AGO4: variants seen among roughly 807,000 people sequenced by gnomAD.
The protein encoded by AGO4 is argonaute RISC component 4.
Under a neutral mutation model 104.7 loss-of-function variants are expected in AGO4, and 33 were observed. That is an observed-to-expected ratio of 0.32 (90% CI 0.24 to 0.42). The LOEUF (loss-of-function observed/expected upper bound fraction) is 0.42. Ranked by LOEUF, AGO4 falls within the 10% of genes least tolerant of loss-of-function variation. The probability of loss-of-function intolerance (pLI) is 1.00; values close to 1 mark genes in which losing one functional copy is unlikely to be tolerated. For missense variants in AGO4, 711 were observed against 1,083.4 expected (o/e 0.66, Z 4.83); for synonymous variants, 331 against 364.7 (o/e 0.91, Z 1.05).
chr1:35,814,593 A>G (rs1350643036), intron 1 of AGO4, among the ~76,000 whole-genome samples: 1 of 152,036 alleles, frequency 6.6e-6, no homozygotes, highest in Non-Finnish European at 1.5e-5. Flanking sequence ...GAGACAGAGT[A>G]ACTTAACAAG....
In AGO4 at chr1:35,816,882, G is replaced by A. The variant is rs1643726345; in HGVS notation, c.20G>A (p.Gly7Glu). ...AGCAAATGTCTTTCAATCTCTTTAG[G>A]ACCTCCGGCTAGCCTGTTTCAGCCA... MEALGP[G>E]PPASLFQPPR... Residue 7 changes from glycine to glutamate, a missense_variant and splice_region_variant, in exon 2 of 18, where the codon GGA (glycine) becomes GAA (glutamate). Physicochemically the swap from Gly to Glu is moderately conservative, Grantham distance 98. Transcript: ENST00000373210. The A allele has an allele frequency of 6.2e-7, 1 of 1,609,048 alleles. No homozygotes were observed. The highest frequency in any genetic ancestry group is 8.5e-7 in the Non-Finnish European group (1 of 1,177,850).
intron 1 of AGO4, among the ~76,000 whole-genome samples, chr1:35,809,893 T>C (rs1312738826): frequency 6.6e-6 from 1 of 152,150 alleles, no homozygotes; most frequent in Non-Finnish European, 1.5e-5. Context: ...GTTTCTTCCC[T>C]CCCCCTAGTA....
intron 13 of AGO4, among the ~76,000 whole-genome samples, chr1:35,839,642 T>A (rs935487694): frequency 7.2e-5 from 11 of 152,148 alleles, no homozygotes; most frequent in Non-Finnish European, 1.3e-4. Flanking sequence ...ATATGTGTGT[T>A]GCCTATATAT....
At chr1:35,835,006 C>CTTTTTTTTTT (rs34516326) in intron 12 of AGO4, among the ~76,000 whole-genome samples, 3 of 102,974 alleles carry the variant, frequency 2.9e-5, no homozygotes, top group African/African-American at 3.6e-5. Flanking sequence ...CAGTTTTAAA[C>CTTTTTTTTTT]TTTTTTTTTT....
Position 35,826,814 on chromosome 1 carries a change from G to A in AGO4, c.827G>A (p.Arg276Lys). ...AAATACCGAGTTTGTAATGTGACTA[G>A]ACGGCCAGCCAGTCATCAAACGTAT... ...KRKYRVCNVT[R>K]RPASHQTFPL... Residue 276 changes from arginine (R) to lysine (K), a missense_variant, in exon 7 of 18, where the codon AGA (arginine) becomes AAA (lysine). This residue lies in a region of AGO4 where 308 missense variants were observed against 397.8 expected (regional missense o/e 0.77). Coordinates refer to ENST00000373210, the MANE Select transcript of AGO4 (RefSeq NM_017629.4). The A allele has an allele frequency of 1.9e-6, 3 of 1,614,186 alleles. No homozygotes were observed. Among genetic ancestry groups the A allele is most frequent in the Admixed American group, 1.7e-5 (1 of 60,018 alleles).
intron 7 of AGO4, among the ~76,000 whole-genome samples, chr1:35,829,562 G>T (rs899925249): frequency 1.3e-5 from 2 of 152,100 alleles, no homozygotes; most frequent in Non-Finnish European, 2.9e-5. Context: ...CGGGCTGGGC[G>T]TGGTGGCTCA....
rs754303593 is a variant in AGO4, at chr1:35,832,226, A to C, written c.1245+41A>C. On this transcript the variant is annotated intron_variant, in intron 10 of 17. Coordinates refer to ENST00000373210, the MANE Select transcript of AGO4 (RefSeq NM_017629.4). The stretch of plus-strand genomic sequence containing the variant: ...TATTCAGCAAGCTTCTTCCACAACC[A>C]GTCAAAAAGAGAATAATCCAGGGTT... 4 of 1,600,028 alleles carry C rather than the reference A, an allele frequency of 2.5e-6. No homozygotes were observed. In the Admixed American group the frequency reaches 7.2e-5, roughly 29 times the overall value.
chr1:35,848,655 G>A (rs919017185), intron 15 of AGO4, among the ~76,000 whole-genome samples: 1 of 150,572 alleles, frequency 6.6e-6, no homozygotes, highest in African/African-American at 2.4e-5. Context: ...TTTTTTTAAG[G>A]GTAAAATAAA....
intron 17 of AGO4, among the ~76,000 whole-genome samples, 160 bp from the exon 18 acceptor site, chr1:35,853,337 C>G (rs1348220138): frequency 6.6e-6 from 1 of 151,822 alleles, no homozygotes; most frequent in Non-Finnish European, 1.5e-5. Flanking sequence ...AAGCTTAAGC[C>G]TAAGATATTC....
intron 2 of AGO4, among the ~76,000 whole-genome samples, chr1:35,818,856 T>G (rs1210997070): frequency 2.0e-5 from 3 of 152,098 alleles, no homozygotes; most frequent in Non-Finnish European, 4.4e-5. Context: ...TAGGTGAGTT[T>G]TAAATACTAA....
In AGO4 at chr1:35,855,400, T is replaced by C. The variant is rs1169758383; in HGVS notation, c.*1795T>C. On this transcript the variant is annotated 3_prime_UTR_variant, in exon 18 of 18. Coordinates refer to ENST00000373210, the MANE Select transcript of AGO4 (RefSeq NM_017629.4). ...CCAGCAATATAAAGCACTGTTTTTC[T>C]TCAGTCGTTTAAATAAACTTGTAAA... 1.3e-5 allele frequency: 2 copies of C among 152,666 alleles called. No individual in the cohort carries two copies. The allele number at this position is 152,666 out of a possible 1,614,324, so 9.5% of individuals were successfully genotyped here.
intron 7 of AGO4, among the ~76,000 whole-genome samples, chr1:35,828,128 G>A (rs1644078111): frequency 6.6e-6 from 1 of 151,936 alleles, no homozygotes; most frequent in African/African-American, 2.4e-5. Context: ...AGACATACAT[G>A]TAAATAAAAT....
At chr1:35,822,536 G>A (rs1009635748) in intron 2 of AGO4, among the ~76,000 whole-genome samples, 6 of 152,146 alleles carry the variant, frequency 3.9e-5, no homozygotes, top group Non-Finnish European at 5.9e-5. Flanking sequence ...TTACAGCCGT[G>A]AGCCACCACA....
chr1:35,813,690 A>G (rs975025203), intron 1 of AGO4, among the ~76,000 whole-genome samples: 2 of 151,834 alleles, frequency 1.3e-5, no homozygotes, highest in South Asian at 2.1e-4. Flanking sequence ...TCGAGGCTGC[A>G]GTGAGCCATG....
chr1:35,810,645 G>A (rs1643470220), intron 1 of AGO4, among the ~76,000 whole-genome samples: 1 of 152,188 alleles, frequency 6.6e-6, no homozygotes, highest in African/African-American at 2.4e-5. Context: ...GAAAAGTGAG[G>A]TTCAGAGAGG....
intron 15 of AGO4, among the ~76,000 whole-genome samples, chr1:35,842,350 T>G (rs183721331): frequency 1.9e-3 from 296 of 152,266 alleles, no homozygotes; most frequent in African/African-American, 6.4e-3. Context: ...AAAAATTGTC[T>G]TCCATGAAAC....
intron 2 of AGO4, among the ~76,000 whole-genome samples, chr1:35,818,587 G>C (rs566870318): frequency 6.6e-6 from 1 of 151,364 alleles, no homozygotes; most frequent in Admixed American, 6.6e-5. Flanking sequence ...TCATGCCGCT[G>C]CATTCCAGCC....
intron 15 of AGO4, 94 bp from the exon 16 acceptor site, chr1:35,850,063 A>ACCAACTTG: frequency 1.3e-6 from 1 of 747,314 alleles, no homozygotes; most frequent in Non-Finnish European, 2.2e-6. Context: ...AGAGACATTT[A>ACCAACTTG]CCAACTTGCT....
chr1:35,825,001 G>A (rs193132935), intron 3 of AGO4, among the ~76,000 whole-genome samples: 9 of 152,096 alleles, frequency 5.9e-5, no homozygotes, highest in Admixed American at 3.9e-4. Flanking sequence ...CTTTAAATTT[G>A]ACTATTCAAT....
Sources: allele counts gnomAD v4.1 joint callset (sites outside exome capture counted in the v4.1 genomes callset), GRCh38; gene constraint gnomAD v4.1.1; regional missense constraint gnomAD v4.1.1; transcripts MANE v1.5; gene names NCBI Gene and HGNC (gene_info 2026-07-23, HGNC 2026-07-21).